Variants in PCNT observed in about 807,000 individuals in gnomAD.
PCNT encodes pericentrin, also known as kendrin.
In PCNT, 319 loss-of-function variants were observed where a neutral mutation model predicts 380.4. The observed-to-expected ratio is 0.84, with a 90% CI of 0.77 to 0.92. The LOEUF (loss-of-function observed/expected upper bound fraction) is 0.92, where lower values mean the gene tolerates loss of function less well. Ranked by LOEUF, PCNT falls within the 40% of genes least tolerant of loss-of-function variation. The pLI is 0.00. For missense variants in PCNT, 4,400 were observed against 4,255.3 expected (o/e 1.03, Z -0.95); for synonymous variants, 1,845 against 1,735.2 (o/e 1.06, Z -1.57).
At chr21:46,357,503 A>G (rs1049719923) in intron 13 of PCNT, among the ~76,000 whole-genome samples, 4 of 152,170 alleles carry the variant, frequency 2.6e-5, no homozygotes, top group African/African-American at 7.2e-5. Flanking sequence ...GTGCAGTGGC[A>G]TGGTCTCAGC....
rs770664407 is a variant in PCNT at position 46,378,505 on chromosome 21, T to C, written c.3166-3189T>C. Among the ~76,000 whole-genome samples the C allele has an allele frequency of 4.1e-4, 63 of 152,052 alleles. 1 individual carries two copies. Among genetic ancestry groups the C allele is most frequent in the Admixed American group, 1.9e-3 (29 of 15,278 alleles). On this transcript the variant is annotated intron_variant, in intron 15 of 46. Transcript: ENST00000359568. ...ACCGAGATGCCTGCGTGTGGGCAGG[T>C]AGTGCTTGCCACGTGGATAACGCCG...
chr21:46,385,321 A>G (rs2085793514), intron 16 of PCNT, among the ~76,000 whole-genome samples: 1 of 152,228 alleles, frequency 6.6e-6, no homozygotes, highest in Admixed American at 6.5e-5. Context: ...GTGCCACTGC[A>G]CTCCAGCCTG....
chr21:46,372,391 G>A (rs556706479), intron 15 of PCNT, among the ~76,000 whole-genome samples: 7 of 150,460 alleles, frequency 4.7e-5, no homozygotes, highest in South Asian at 2.1e-4. Context: ...GCTCATACAC[G>A]CAGCACATGC....
In PCNT at chr21:46,431,662, T is replaced by C; in HGVS notation, c.8198T>C (p.Leu2733Pro). ...RIEHSRCEAL[L>P]AQERSQLSEL... Reference sequence around the variant, plus strand: ...GAGCACTCACGCTGCGAGGCCTTGCTGGCTCAGGAGCGGAGCCAGCTCTCT... The same window carrying C: ...GAGCACTCACGCTGCGAGGCCTTGCCGGCTCAGGAGCGGAGCCAGCTCTCT... Residue 2733 changes from leucine to proline, a missense_variant, in exon 38 of 47, where the codon CTG becomes CCG. Physicochemically the swap from Leu to Pro is moderately conservative, Grantham distance 98 (BLOSUM62 -3). Transcript: ENST00000359568. The C allele has an allele frequency of 6.2e-7, 1 of 1,613,658 alleles. No homozygotes were observed. The highest frequency in any genetic ancestry group is 2.2e-5 in the East Asian group (1 of 44,862).
Position 46,397,998 on chromosome 21 carries a change from C to T in PCNT, c.4447-16C>T. 8 of 1,565,268 alleles carry T rather than the reference C, an allele frequency of 5.1e-6. No individual in the cohort carries two copies. The highest frequency in any genetic ancestry group is 6.9e-6 in the Non-Finnish European group (8 of 1,156,836). On this transcript the variant is annotated splice_polypyrimidine_tract_variant and intron_variant, in intron 22 of 46. Transcript: ENST00000359568. ...GCCCCGTTGGGGTGGTCCCAACACG[C>T]TGCCTCTCCTCCCAGGAGCAGGCAG...
chr21:46,422,648 A>T (rs536899558), intron 32 of PCNT, among the ~76,000 whole-genome samples: 1 of 152,330 alleles, frequency 6.6e-6, no homozygotes, highest in South Asian at 2.1e-4. Context: ...AACTTGGCTA[A>T]ACAAGTGAGT....
intron 26 of PCNT, 65 bp downstream of exon 26, chr21:46,401,786 G>A (rs2086437162): frequency 6.7e-7 from 1 of 1,490,844 alleles, no homozygotes; most frequent in South Asian, 1.1e-5. Context: ...CTTCTCTGTG[G>A]CAGATCCGAT....
chr21:46,341,246 T>C (rs573332240), intron 3 of PCNT, among the ~76,000 whole-genome samples: 1 of 152,288 alleles, frequency 6.6e-6, no homozygotes, highest in Non-Finnish European at 1.5e-5. Flanking sequence ...ATTTTGGGTC[T>C]GCCGTGGGTG....
At chr21:46,368,666 A>T (rs1011062137) in intron 15 of PCNT, among the ~76,000 whole-genome samples, 4 of 152,154 alleles carry the variant, frequency 2.6e-5, no homozygotes, top group African/African-American at 9.7e-5. Flanking sequence ...CTTGAAATAG[A>T]TGAGTCTGCT....
At chr21:46,432,975 A>G (rs1176079961) in intron 38 of PCNT, among the ~76,000 whole-genome samples, 2 of 152,122 alleles carry the variant, frequency 1.3e-5, no homozygotes, top group African/African-American at 4.8e-5. Context: ...CTTTCAAAAT[A>G]TAAGTTTTAT....
chr21:46,376,589 C>T (rs1036184748), intron 15 of PCNT, among the ~76,000 whole-genome samples: 1 of 152,236 alleles, frequency 6.6e-6, no homozygotes, highest in Non-Finnish European at 1.5e-5. Flanking sequence ...GTCCCTTGGC[C>T]TCTGTCCTGC....
chr21:46,444,591 G>C lies in PCNT; in HGVS notation c.9840-103G>C, dbSNP rs898892552. 7.2e-5 allele frequency: 94 copies of C among 1,302,172 alleles called. No homozygotes were observed. The South Asian group carries it at 1.1e-3, about 16-fold the overall frequency. 80.7% of individuals were successfully genotyped at this position (1,302,172 alleles called of 1,614,324 possible). On this transcript the variant is annotated intron_variant, in intron 45 of 46. Transcript: ENST00000359568. The stretch of plus-strand genomic sequence containing the variant: ...CCATCCCCACGGGTCTGGTTGGCGG[G>C]GCTGGTGCCTTTCTTCTGCACTCAG...
intron 29 of PCNT, among the ~76,000 whole-genome samples, chr21:46,413,241 AGGGGGAAG>A (rs2086865568): frequency 8.3e-6 from 1 of 120,044 alleles, no homozygotes; most frequent in Non-Finnish European, 1.7e-5. Flanking sequence ...AGGTGTGGGG[AGGGGGAAG>A]GCGTGAGGCC....
intron 1 of PCNT, 119 bp from the exon 2 acceptor site, chr21:46,326,258 C>G: frequency 1.2e-6 from 1 of 840,532 alleles, no homozygotes; most frequent in South Asian, 1.4e-5. Context: ...CCAGGTGTGG[C>G]AGAGTAGACT....
In PCNT at chr21:46,438,203, G is replaced by A. The variant is rs1051361672; in HGVS notation, c.9139G>A (p.Val3047Ile). ...AAELQFQFVD[V>I]LLKDNVSLTK... Reference sequence around the variant, plus strand: ...AGAGCTGCAGTTCCAGTTTGTGGACGTCCTGCTGAAAGACAATGTTTCCCT... The same window carrying A: ...AGAGCTGCAGTTCCAGTTTGTGGACATCCTGCTGAAAGACAATGTTTCCCT... Residue 3047 changes from valine to isoleucine, a missense_variant, in exon 41 of 47, where the codon GTC (valine) becomes ATC (isoleucine). By Grantham distance (29) the Val-to-Ile change is conservative. Transcript: ENST00000359568. 13 of 1,613,980 alleles carry A rather than the reference G, an allele frequency of 8.1e-6. No individual in the cohort carries two copies. Among genetic ancestry groups the A allele is most frequent in the Non-Finnish European group, 1.0e-5 (12 of 1,179,948 alleles).
intron 11 of PCNT, among the ~76,000 whole-genome samples, chr21:46,355,123 G>C (rs371711159): frequency 6.6e-6 from 1 of 152,228 alleles, no homozygotes; most frequent in Non-Finnish European, 1.5e-5. Context: ...GACGCGAGGG[G>C]CACGTGCCCT....
chr21:46,442,359 C>CTGGCCGACCT, intron 43 of PCNT, 138 bp from the exon 44 acceptor site: 3 of 700,494 alleles, frequency 4.3e-6, no homozygotes, highest in Non-Finnish European at 7.8e-6. Context: ...AGTCAACAGA[C>CTGGCCGACCT]TGGCCGACCT....
At chr21:46,418,989 G>T (rs1336291943) in intron 31 of PCNT, among the ~76,000 whole-genome samples, 2 of 152,184 alleles carry the variant, frequency 1.3e-5, no homozygotes, top group Non-Finnish European at 2.9e-5. Context: ...TCATGCTCAC[G>T]CCCACTGGTC....
chr21:46,409,128 C>A (rs1183948086), intron 27 of PCNT, among the ~76,000 whole-genome samples: 1 of 151,278 alleles, frequency 6.6e-6, no homozygotes, highest in African/African-American at 2.4e-5. Context: ...GGTATTTTCT[C>A]CCAATGTATG....
Sources: allele counts gnomAD v4.1 joint callset (sites outside exome capture counted in the v4.1 genomes callset), GRCh38; gene constraint gnomAD v4.1.1; transcripts MANE v1.5; gene names NCBI Gene and HGNC (gene_info 2026-07-23, HGNC 2026-07-21).